Variants in EMSY observed in about 807,000 individuals in gnomAD.
The protein encoded by EMSY is EMSY transcriptional repressor, BRCA2 interacting.
A neutral mutation model predicts 134.6 loss-of-function variants in EMSY; 26 were observed. That is an observed-to-expected ratio of 0.19 (90% CI 0.14 to 0.27). EMSY has a LOEUF of 0.27. EMSY is among the 10% of genes least tolerant of loss of function. EMSY has a pLI of 1.00. For synonymous variants in EMSY, 579 were observed against 577.8 expected, an observed-to-expected ratio of 1.00 and a Z score of -0.03; for missense variants, 1,305 against 1,611.4, an observed-to-expected ratio of 0.81 and a Z score of 3.26.
chr11:76,544,791 C>A, exon 19 of EMSY: 1 of 1,614,090 alleles, frequency 6.2e-7, no homozygotes, highest in Middle Eastern at 1.7e-4. Context: ...ATGTCGCTCC[C>A]AGCTTCTTCA....
chr11:76,467,289 G>T (rs1378376838), intron 7 of EMSY, among the ~76,000 whole-genome samples: 3 of 152,150 alleles, frequency 2.0e-5, no homozygotes, highest in African/African-American at 4.8e-5. Flanking sequence ...CTTTGTTGCT[G>T]GATCTTATTT....
chr11:76,505,023 G>C (rs1950016663), intron 9 of EMSY, among the ~76,000 whole-genome samples: 1 of 152,176 alleles, frequency 6.6e-6, no homozygotes, highest in African/African-American at 2.4e-5. Context: ...ATGGGTGCAA[G>C]GAGTAGTAGA....
chr11:76,514,589 G>A (rs771083685), intron 10 of EMSY, among the ~76,000 whole-genome samples: 1 of 152,068 alleles, frequency 6.6e-6, no homozygotes, highest in South Asian at 2.1e-4. Flanking sequence ...TTTTTAAATT[G>A]CAGTAAAATA....
At chr11:76,535,046 A>G (rs923720057) in intron 14 of EMSY, among the ~76,000 whole-genome samples, 2 of 152,150 alleles carry the variant, frequency 1.3e-5, no homozygotes, top group Non-Finnish European at 2.9e-5. Flanking sequence ...GCTGTAATTT[A>G]TTTTGAAACT....
chr11:76,452,033 A>T (rs886177358), intron 3 of EMSY, 76 bp downstream of exon 3: 1 of 911,804 alleles, frequency 1.1e-6, no homozygotes, highest in African/African-American at 1.7e-5. Flanking sequence ...CTCTCAAATT[A>T]AGTAACTGTC....
chr11:76,497,472 C>G (rs2135829421), intron 9 of EMSY, among the ~76,000 whole-genome samples: 1 of 152,246 alleles, frequency 6.6e-6, no homozygotes, highest in Middle Eastern at 3.4e-3. Context: ...ATGAAGCCAT[C>G]TGGGCCCGGA....
chr11:76,542,247 C>T, exon 18 of EMSY: 1 of 1,614,222 alleles, frequency 6.2e-7, no homozygotes, highest in South Asian at 1.1e-5. Context: ...AACAGCCTTC[C>T]CAGCCCCAGC....
intron 9 of EMSY, among the ~76,000 whole-genome samples, chr11:76,511,866 G>T (rs1311918319): frequency 6.6e-6 from 1 of 151,894 alleles, no homozygotes; most frequent in Non-Finnish European, 1.5e-5. Context: ...CTTTACAGTT[G>T]TGATTTATTT....
chr11:76,478,812 T>C (rs1048514354), intron 8 of EMSY, among the ~76,000 whole-genome samples: 7 of 150,082 alleles, frequency 4.7e-5, no homozygotes, highest in African/African-American at 1.7e-4. Context: ...TATTATAATA[T>C]ATAATGTATA....
At chr11:76,528,223 C>T (rs760039881) in intron 13 of EMSY, 45 bp from the exon 15 acceptor site, 8 of 1,521,344 alleles carry the variant, frequency 5.3e-6, no homozygotes, top group East Asian at 4.5e-5. Context: ...ATTTTTAAAT[C>T]GTTTTCTAAA....
At chr11:76,462,560 G>A (rs1473167549) in intron 6 of EMSY, among the ~76,000 whole-genome samples, 1 of 152,186 alleles carries the variant, frequency 6.6e-6, no homozygotes, top group Non-Finnish European at 1.5e-5. Flanking sequence ...TTTGCTTAGA[G>A]GAATAAGGGA....
At chr11:76,447,237 T>C (rs1340558550) in intron 2 of EMSY, among the ~76,000 whole-genome samples, 4 of 152,238 alleles carry the variant, frequency 2.6e-5, no homozygotes, top group Non-Finnish European at 5.9e-5. Flanking sequence ...TATTGAGGGC[T>C]ACTTGGCTAT....
chr11:76,498,179 T>C (rs1949724192), intron 9 of EMSY, among the ~76,000 whole-genome samples: 1 of 152,222 alleles, frequency 6.6e-6, no homozygotes, highest in East Asian at 1.9e-4. Context: ...CATTATGGTC[T>C]GAGAACACAC....
intron 11 of EMSY, among the ~76,000 whole-genome samples, chr11:76,521,310 G>A (rs1950628959): frequency 6.6e-6 from 1 of 152,098 alleles, no homozygotes; most frequent in African/African-American, 2.4e-5. Context: ...GGGAAATTAG[G>A]GAATTTAACC....
intron 18 of EMSY, 79 bp downstream of exon 19, chr11:76,542,446 A>G (rs1021978784): frequency 5.8e-5 from 88 of 1,518,636 alleles, no homozygotes; most frequent in Non-Finnish European, 7.9e-5. Context: ...TTGTATTTTA[A>G]GAGGAGAAAT....
intron 14 of EMSY, among the ~76,000 whole-genome samples, chr11:76,529,987 G>A (rs1185811811): frequency 6.6e-6 from 1 of 152,048 alleles, no homozygotes; most frequent in African/African-American, 2.4e-5. Context: ...TTCAAAGAGG[G>A]CAGATAAAAT....
exon 12 of EMSY, chr11:76,523,219 G>T: frequency 6.2e-7 from 1 of 1,613,736 alleles, no homozygotes; most frequent in Non-Finnish European, 8.5e-7. Flanking sequence ...TTGTACAAAA[G>T]ACTACAGGAA....
At chr11:76,460,276 T>C in intron 6 of EMSY, 191 bp downstream of exon 7, 1 of 535,832 alleles carries the variant, frequency 1.9e-6, no homozygotes, top group African/African-American at 1.9e-5. Flanking sequence ...AGTTCTGGGG[T>C]TTCAGAAGTG....
chr11:76,451,620 C>T (rs1947672398), intron 2 of EMSY, among the ~76,000 whole-genome samples: 1 of 152,060 alleles, frequency 6.6e-6, no homozygotes, highest in African/African-American at 2.4e-5. Flanking sequence ...AAAATATCTA[C>T]TGTTAGATTT....
Sources: allele counts gnomAD v4.1 joint callset (sites outside exome capture counted in the v4.1 genomes callset), GRCh38; gene constraint gnomAD v4.1.1; transcripts MANE v1.5; gene names NCBI Gene and HGNC (gene_info 2026-07-23, HGNC 2026-07-21).